The following EPS15L1 variants were observed in gnomAD, a reference collection of about 807,000 sequenced individuals.
EPS15L1 encodes the protein epidermal growth factor receptor substrate 15-like 1.
In EPS15L1, 43 loss-of-function variants were observed where a neutral mutation model predicts 117.1. The ratio of observed to expected loss-of-function variants is 0.37; its 90% CI spans 0.29 to 0.47. The LOEUF is 0.47. Among genes scored for constraint, EPS15L1 ranks in the 20% least tolerant of loss-of-function variants. The probability of loss-of-function intolerance (pLI) is 0.99; values close to 1 mark genes in which losing one functional copy is unlikely to be tolerated. For missense variants in EPS15L1, 981 were observed against 1,164.0 expected, an observed-to-expected ratio of 0.84 and a Z score of 2.29; for synonymous variants, 459 against 470.5, an observed-to-expected ratio of 0.98 and a Z score of 0.32.
intron 15 of EPS15L1, 94 bp downstream of exon 15, chr19:16,403,639 A>G: frequency 2.5e-6 from 3 of 1,209,028 alleles, no homozygotes; most frequent in Non-Finnish European, 3.6e-6. Flanking sequence ...CGTAAGTAAC[A>G]AGGGTGAGAG....
chr19:16,439,153 G>A (rs2093005742), intron 4 of EPS15L1, among the ~76,000 whole-genome samples: 1 of 151,418 alleles, frequency 6.6e-6, no homozygotes, highest in East Asian at 1.9e-4. Flanking sequence ...TTTTAAAAGT[G>A]TCTTCAAAGA....
At chr19:16,461,814 C>T (rs1599691339) in intron 1 of EPS15L1, among the ~76,000 whole-genome samples, 1 of 152,336 alleles carries the variant, frequency 6.6e-6, no homozygotes, top group African/African-American at 2.4e-5. Context: ...TGGGCTCGAG[C>T]AGGCGGCTCT....
chr19:16,415,976 G>T (rs3786589), intron 12 of EPS15L1, among the ~76,000 whole-genome samples: 1 of 152,118 alleles, frequency 6.6e-6, no homozygotes, highest in Non-Finnish European at 1.5e-5. Context: ...CCCAGGAGCT[G>T]AGACAGAACA....
chr19:16,363,322 C>A (rs2092085445), intron 22 of EPS15L1, among the ~76,000 whole-genome samples: 1 of 152,174 alleles, frequency 6.6e-6, no homozygotes, highest in Non-Finnish European at 1.5e-5. Flanking sequence ...ACTGCCTGTC[C>A]CTCCAGGGTT....
chr19:16,429,118 C>G (rs2092905562), intron 7 of EPS15L1, among the ~76,000 whole-genome samples: 1 of 152,180 alleles, frequency 6.6e-6, no homozygotes, highest in South Asian at 2.1e-4. Flanking sequence ...CACCCACACT[C>G]CCTATGCTCA....
intron 12 of EPS15L1, 63 bp downstream of exon 12, chr19:16,417,489 A>G (rs1269751152): frequency 7.2e-7 from 1 of 1,391,984 alleles, no homozygotes; most frequent in African/African-American, 1.5e-5. Context: ...GATATTTCCG[A>G]TAACAACCTG....
Position 16,361,831 on chromosome 19 carries a change from G to A in EPS15L1, c.2534C>T (p.Ser845Phe), listed in dbSNP as rs768419431. The change falls in exon 23 of 24, where the codon TCT becomes TTT. Residue 845 changes from serine (S) to phenylalanine (F), a missense_variant. This residue lies in a region of EPS15L1 where 819 missense variants were observed against 949.0 expected (regional missense o/e 0.86). Coordinates refer to ENST00000455140, the MANE Select transcript of EPS15L1 (RefSeq NM_001258374.3). ...FSGKDPFVPS[S>F]AAKPSKASAS... is the part of the protein sequence containing the mutation. ...AGAGGCCTTAGAAGGTTTAGCTGCA[G>A]AGGAGGGGACAAATGGGTCTTTTCC... The A allele has an allele frequency of 2.5e-6, 4 of 1,614,076 alleles. No individual in the cohort carries two copies. The highest frequency in any genetic ancestry group is 1.7e-5 in the Admixed American group (1 of 60,004).
chr19:16,358,413 C>T (rs1299250352), intron 23 of EPS15L1: 2 of 152,564 alleles, frequency 1.3e-5, no homozygotes, highest in East Asian at 1.9e-4. Flanking sequence ...TTCTAGTTCT[C>T]GTATCTGGGT....
At chr19:16,384,985 G>A (rs1266331169) in intron 21 of EPS15L1, 144 bp downstream of exon 21, 3 of 722,966 alleles carry the variant, frequency 4.1e-6, no homozygotes, top group African/African-American at 3.5e-5. Context: ...CACAGCCATG[G>A]ATGCTTTCCA....
intron 11 of EPS15L1, 148 bp downstream of exon 11, chr19:16,417,800 A>G: frequency 1.6e-6 from 2 of 1,262,564 alleles, no homozygotes; most frequent in Non-Finnish European, 2.2e-6. Flanking sequence ...TGGGCAGCCA[A>G]GCCACCCTCC....
chr19:16,467,373 C>T (rs2093314307), intron 1 of EPS15L1, among the ~76,000 whole-genome samples: 2 of 152,050 alleles, frequency 1.3e-5, no homozygotes, highest in South Asian at 4.1e-4. Flanking sequence ...TGGTCTCAAA[C>T]TCCTGACCTC....
At chr19:16,397,307 C>T (rs748439641) in intron 16 of EPS15L1, among the ~76,000 whole-genome samples, 28 of 152,178 alleles carry the variant, frequency 1.8e-4, no homozygotes, top group Non-Finnish European at 3.8e-4. Context: ...GCAGGCCAGT[C>T]TTGATCTCCT....
In EPS15L1 at chr19:16,471,875, G is replaced by T; in HGVS notation, c.33+38C>A. The T allele has an allele frequency of 8.1e-7, 1 of 1,228,094 alleles. No homozygotes were observed. The highest frequency in any genetic ancestry group is 1.0e-6 in the Non-Finnish European group (1 of 959,920). The allele number at this position is 1,228,094 out of a possible 1,614,324, so 76.1% of individuals were successfully genotyped here. A position where few individuals can be genotyped will look rare whatever the true frequency, so the allele number is the denominator to read the frequency against. On this transcript the variant is annotated intron_variant, in intron 1 of 23. Coordinates refer to ENST00000455140, the MANE Select transcript of EPS15L1 (RefSeq NM_001258374.3). The surrounding 1 kb of genome is among the most constrained non-coding windows in gnomAD (Gnocchi z 4.8). ...CGCCGCACCGCTCGCCTCGCGCCCC[G>T]CACCCCGGCGCCGCCCCCAGGCCCG... is the stretch of plus-strand genomic sequence containing the variant.
At chr19:16,413,053 A>G in intron 13 of EPS15L1, 2 of 724,866 alleles carry the variant, frequency 2.8e-6, no homozygotes, top group Non-Finnish European at 4.9e-6. Flanking sequence ...CGCGCCGGCC[A>G]GTGCACCAGG....
intron 1 of EPS15L1, among the ~76,000 whole-genome samples, chr19:16,469,339 C>T (rs1449618908): frequency 8.6e-5 from 13 of 151,948 alleles, no homozygotes; most frequent in Admixed American, 7.9e-4. Context: ...TCCAGTGTTG[C>T]GGAGTTCGAG....
At chr19:16,363,548 T>G (rs1293567346) in intron 22 of EPS15L1, among the ~76,000 whole-genome samples, 2 of 152,176 alleles carry the variant, frequency 1.3e-5, no homozygotes, top group Admixed American at 1.3e-4. Context: ...AGGCCCCAGG[T>G]GTCCTTGTGG....
rs991854852 is a variant in EPS15L1 at position 16,380,160 on chromosome 19, G to C, written c.2248-2906C>G. Among the ~76,000 whole-genome samples, 14 of 152,034 alleles carry C rather than the reference G, an allele frequency of 9.2e-5. No individual in the cohort carries two copies. In the South Asian group the frequency reaches 1.7e-3, roughly 18 times the overall value. ...AGTCGCACAGACGCAGCCATCTAAG[G>C]CTCCAGCATCTAGTCACACAGACGT... On this transcript the variant is annotated intron_variant, in intron 21 of 23. Transcript: ENST00000455140.
At chr19:16,406,768 AT>A (rs1322159141) in intron 13 of EPS15L1, among the ~76,000 whole-genome samples, 1 of 152,218 alleles carries the variant, frequency 6.6e-6, no homozygotes, top group Non-Finnish European at 1.5e-5. Context: ...AGCAGAGAAT[AT>A]TTGCCCAGAA....
At chr19:16,411,156 A>T (rs2092702582) in intron 13 of EPS15L1, among the ~76,000 whole-genome samples, 1 of 152,182 alleles carries the variant, frequency 6.6e-6, no homozygotes, top group Non-Finnish European at 1.5e-5. Flanking sequence ...GTTCCTAGCA[A>T]CATTATTCAC....
Sources: gnomAD v4.1 joint callset for allele counts (sites outside exome capture counted in the v4.1 genomes callset) on GRCh38, gnomAD v4.1.1 for gene constraint, gnomAD v4.1.1 regional missense constraint, Gnocchi (gnomAD v3.1) non-coding constraint, MANE v1.5 for transcripts, NCBI Gene and HGNC (gene_info 2026-07-23, HGNC 2026-07-21) for gene names.